CAPN9: variants seen among roughly 807,000 people sequenced by gnomAD.
CAPN9 encodes calpain 9.
A neutral mutation model predicts 92.8 loss-of-function variants in CAPN9; 81 were observed. The observed-to-expected ratio is 0.87, with a 90% CI of 0.73 to 1.05. The LOEUF (loss-of-function observed/expected upper bound fraction) is 1.05, where lower values mean the gene tolerates loss of function less well. CAPN9 is among the 50% of genes least tolerant of loss of function. CAPN9 has a pLI of 0.00. For synonymous variants in CAPN9, 304 were observed against 328.0 expected (o/e 0.93, Z 0.79); for missense variants, 848 against 866.2 (o/e 0.98, Z 0.26).
chr1:230,792,613 G>A, intron 16 of CAPN9, 119 bp downstream of exon 16: 1 of 848,192 alleles, frequency 1.2e-6, no homozygotes, highest in Non-Finnish European at 2.0e-6. Flanking sequence ...TTCGGACAGG[G>A]GAGAAGGGAA....
At position 230,780,482 on chromosome 1, in the gene CAPN9, C is replaced by CT; in HGVS notation, c.1273-15dup. On this transcript the variant is annotated splice_polypyrimidine_tract_variant and intron_variant, in intron 10 of 19. Coordinates refer to ENST00000271971, the MANE Select transcript of CAPN9 (RefSeq NM_006615.3). Reference sequence around the variant, plus strand: ...AGGAACTTCCCTAGGAAACCCCTCCCTTTCTTGCCCATTGCAGTGCCCTGA... The same window carrying CT: ...AGGAACTTCCCTAGGAAACCCCTCCCTTTTCTTGCCCATTGCAGTGCCCTGA... 1 of 1,612,876 alleles carries CT rather than the reference C, an allele frequency of 6.2e-7. No homozygotes were observed. The highest frequency in any genetic ancestry group is 1.1e-5 in the South Asian group (1 of 91,016).
intron 19 of CAPN9, among the ~76,000 whole-genome samples, chr1:230,800,952 C>T (rs946623068): frequency 1.3e-5 from 2 of 152,146 alleles, no homozygotes; most frequent in Non-Finnish European, 2.9e-5. Context: ...ATTACAGTAG[C>T]TCTCATACTA....
At chr1:230,772,282 A>C (rs7541118) in intron 7 of CAPN9, among the ~76,000 whole-genome samples, 183 bp downstream of exon 7, 1,762 of 152,252 alleles carry the variant, frequency 0.012, 36 homozygotes, top group African/African-American at 0.04. Flanking sequence ...ACCTTGCATC[A>C]AGGTTGATTC....
chr1:230,757,600 T>TG (rs1665322563), intron 2 of CAPN9, among the ~76,000 whole-genome samples: 1 of 151,486 alleles, frequency 6.6e-6, no homozygotes, highest in South Asian at 2.1e-4. Flanking sequence ...CTAGAACATC[T>TG]GGTCATGTAG....
chr1:230,781,301 C>G (rs1273830594), intron 11 of CAPN9, among the ~76,000 whole-genome samples: 2 of 152,208 alleles, frequency 1.3e-5, no homozygotes, highest in Admixed American at 6.5e-5. Flanking sequence ...ACAAGACATT[C>G]TTGGGTGGAG....
At chr1:230,792,966 G>C in intron 17 of CAPN9, 38 bp downstream of exon 17, 1 of 1,497,476 alleles carries the variant, frequency 6.7e-7, no homozygotes, top group Non-Finnish European at 9.3e-7. Context: ...CTGACTGCAT[G>C]CCAGGTACTG....
chr1:230,784,482 A>G (rs923886160), intron 11 of CAPN9, among the ~76,000 whole-genome samples: 3 of 152,246 alleles, frequency 2.0e-5, no homozygotes, highest in East Asian at 3.8e-4. Context: ...CAGCCTCAGG[A>G]CACTGTTACC....
chr1:230,783,598 T>C (rs1017205045), intron 11 of CAPN9, among the ~76,000 whole-genome samples: 4 of 152,204 alleles, frequency 2.6e-5, no homozygotes, highest in Non-Finnish European at 5.9e-5. Context: ...AGTCAAGGAG[T>C]TAAGTTAACT....
chr1:230,759,442 C>A (rs921958455), intron 2 of CAPN9, 70 bp from the exon 3 acceptor site: 10 of 1,128,280 alleles, frequency 8.9e-6, no homozygotes, highest in Non-Finnish European at 1.3e-5. Context: ...ACATCCCCTT[C>A]TGACACAGAG....
intron 8 of CAPN9, among the ~76,000 whole-genome samples, chr1:230,775,678 G>A (rs1405210719): frequency 6.6e-6 from 1 of 152,158 alleles, no homozygotes; most frequent in Non-Finnish European, 1.5e-5. Flanking sequence ...AGCACTTTGG[G>A]AGGCCAAGGC....
At chr1:230,790,472 T>C in intron 14 of CAPN9, 1 of 191,370 alleles carries the variant, frequency 5.2e-6, no homozygotes, top group African/African-American at 2.4e-5. Context: ...TATCTGCATG[T>C]ATGTACATGT....
At chr1:230,751,072 C>A (rs967634845) in intron 1 of CAPN9, among the ~76,000 whole-genome samples, 3 of 152,182 alleles carry the variant, frequency 2.0e-5, no homozygotes, top group Non-Finnish European at 2.9e-5. Flanking sequence ...AATTCCCCCC[C>A]ACCAATTCTC....
chr1:230,753,321 G>A (rs1359282907), intron 1 of CAPN9, among the ~76,000 whole-genome samples: 1 of 152,182 alleles, frequency 6.6e-6, no homozygotes, highest in East Asian at 1.9e-4. Context: ...GTGTTCTTCA[G>A]AAATTCTCCT....
intron 6 of CAPN9, among the ~76,000 whole-genome samples, chr1:230,769,644 T>G (rs2102869273): frequency 7.8e-6 from 1 of 127,576 alleles, no homozygotes; most frequent in South Asian, 2.5e-4. Context: ...TATCTATCTA[T>G]CTATCTATCT....
At chr1:230,801,220 G>A (rs890933901) in intron 19 of CAPN9, among the ~76,000 whole-genome samples, 1 of 152,100 alleles carries the variant, frequency 6.6e-6, no homozygotes, top group African/African-American at 2.4e-5. Flanking sequence ...AAAGGTGAGA[G>A]GACCCCTCAT....
intron 4 of CAPN9, among the ~76,000 whole-genome samples, chr1:230,763,211 C>A (rs987900649): frequency 6.6e-6 from 1 of 152,070 alleles, no homozygotes; most frequent in Non-Finnish European, 1.5e-5. Flanking sequence ...TTTAAAAAGT[C>A]GTATATGACA....
Position 230,780,346 on chromosome 1 carries a change from A to T in CAPN9, c.1272+10A>T. On this transcript the variant is annotated intron_variant, in intron 10 of 19. Transcript: ENST00000271971. ...CTATGCCATTTATGAGGTAGGTGGG[A>T]ACCACACTGCATTTCAGAGTTCTCC... The T allele has an allele frequency of 6.2e-7, 1 of 1,613,272 alleles. No homozygotes were observed.
intron 11 of CAPN9, among the ~76,000 whole-genome samples, chr1:230,783,822 AG>A (rs1558109421): frequency 6.6e-6 from 1 of 152,232 alleles, no homozygotes; most frequent in Non-Finnish European, 1.5e-5. Flanking sequence ...AGGCCTCAGA[AG>A]AAGACAGGAA....
intron 12 of CAPN9, 68 bp downstream of exon 12, chr1:230,786,085 C>T: frequency 6.2e-7 from 1 of 1,607,596 alleles, no homozygotes; most frequent in African/African-American, 1.3e-5. Flanking sequence ...TCCTTCTAAT[C>T]ACAGCATCAT....
Sources: allele counts gnomAD v4.1 joint callset (sites outside exome capture counted in the v4.1 genomes callset), GRCh38; gene constraint gnomAD v4.1.1; transcripts MANE v1.5; gene names NCBI Gene and HGNC (gene_info 2026-07-23, HGNC 2026-07-21).